The following ANGPT1 variants were observed in gnomAD, a reference collection of about 807,000 sequenced individuals.
ANGPT1 encodes angiopoietin-1.
A neutral mutation model predicts 62.2 loss-of-function variants in ANGPT1; 17 were observed. The observed-to-expected ratio is 0.27, with a 90% CI of 0.19 to 0.41. The LOEUF (loss-of-function observed/expected upper bound fraction) is 0.41, where lower values mean the gene tolerates loss of function less well. Among genes scored for constraint, ANGPT1 ranks in the 10% least tolerant of loss-of-function variants. ANGPT1 has a pLI of 1.00. For missense variants in ANGPT1, 478 were observed against 594.9 expected (o/e 0.80, Z 2.04); for synonymous variants, 199 against 198.9 (o/e 1.00, Z 0.00).
At chr8:107,481,532 C>CAAAAAGAAAAAAA (rs1812684977) in intron 1 of ANGPT1, among the ~76,000 whole-genome samples, 1 of 64,334 alleles carries the variant, frequency 1.6e-5, no homozygotes, top group Non-Finnish European at 2.8e-5. Flanking sequence ...GACTCTGTCT[C>CAAAAAGAAAAAAA]AAAAAAAAAA....
chr8:107,347,601 C>T (rs903938264), intron 1 of ANGPT1, among the ~76,000 whole-genome samples: 4 of 151,880 alleles, frequency 2.6e-5, no homozygotes, highest in East Asian at 1.9e-4. Flanking sequence ...ATTTTTGTAA[C>T]GATAAATAAA....
chr8:107,423,481 C>T (rs111657651), intron 1 of ANGPT1, among the ~76,000 whole-genome samples: 23 of 152,260 alleles, frequency 1.5e-4, no homozygotes, highest in Non-Finnish European at 2.6e-4. Context: ...ATTCCAGCTC[C>T]GCAGCGTCTT....
intron 3 of ANGPT1, among the ~76,000 whole-genome samples, chr8:107,331,865 C>T (rs563768768): frequency 1.2e-4 from 18 of 152,258 alleles, no homozygotes; most frequent in Non-Finnish European, 2.4e-4. Context: ...ATCAAGAAAG[C>T]CCGTGTGCTC....
chr8:107,359,738 T>A (rs894619815), intron 1 of ANGPT1, among the ~76,000 whole-genome samples: 9 of 152,288 alleles, frequency 5.9e-5, no homozygotes, highest in African/African-American at 2.2e-4. Context: ...TTATGGTAAG[T>A]ATATTCAGAC....
At chr8:107,414,650 A>T in intron 1 of ANGPT1, among the ~76,000 whole-genome samples, 1 of 152,196 alleles carries the variant, frequency 6.6e-6, no homozygotes, top group East Asian at 1.9e-4. Flanking sequence ...AACCTCATCC[A>T]AACCAGGCAA....
intron 7 of ANGPT1, among the ~76,000 whole-genome samples, chr8:107,281,005 C>T (rs1813991261): frequency 6.6e-6 from 1 of 152,138 alleles, no homozygotes; most frequent in South Asian, 2.1e-4. Flanking sequence ...ATATGCTATG[C>T]TTATCATGAC....
At chr8:107,290,810 TA>T (rs1408867594) in intron 6 of ANGPT1, among the ~76,000 whole-genome samples, 1 of 152,206 alleles carries the variant, frequency 6.6e-6, no homozygotes, top group Non-Finnish European at 1.5e-5. Context: ...ACATGATGAT[TA>T]AAGAATTTCA....
At chr8:107,456,024 G>A (rs1423607591) in intron 1 of ANGPT1, among the ~76,000 whole-genome samples, 2 of 151,934 alleles carry the variant, frequency 1.3e-5, no homozygotes, top group African/African-American at 2.4e-5. Context: ...TCGGAGATCT[G>A]GTATATGTAT....
chr8:107,393,671 G>T (rs556639153), intron 1 of ANGPT1, among the ~76,000 whole-genome samples: 2 of 152,026 alleles, frequency 1.3e-5, no homozygotes, highest in Non-Finnish European at 2.9e-5. Flanking sequence ...TTAGCCAGGC[G>T]TGGTGGCAGG....
chr8:107,466,995 C>G (rs1184347457), intron 1 of ANGPT1, among the ~76,000 whole-genome samples: 1 of 152,062 alleles, frequency 6.6e-6, no homozygotes. Context: ...ACTTCCTTCC[C>G]TCTTGCTTGG....
intron 1 of ANGPT1, among the ~76,000 whole-genome samples, chr8:107,455,690 G>A (rs758940725): frequency 6.6e-6 from 1 of 151,914 alleles, no homozygotes; most frequent in Non-Finnish European, 1.5e-5. Context: ...GAGTCATGTG[G>A]GTAATGCTTG....
chr8:107,355,813 C>T (rs1441058211), intron 1 of ANGPT1, among the ~76,000 whole-genome samples: 1 of 152,064 alleles, frequency 6.6e-6, no homozygotes, highest in African/African-American at 2.4e-5. Context: ...TTCATAATAG[C>T]CTTATTCACC....
chr8:107,290,428 A>C (rs1814245830), intron 6 of ANGPT1, among the ~76,000 whole-genome samples: 1 of 152,192 alleles, frequency 6.6e-6, no homozygotes, highest in African/African-American at 2.4e-5. Context: ...GTACACCCTT[A>C]GCTGAAGAAG....
At chr8:107,356,296 T>G (rs1341379156) in intron 1 of ANGPT1, among the ~76,000 whole-genome samples, 1 of 152,226 alleles carries the variant, frequency 6.6e-6, no homozygotes, top group Non-Finnish European at 1.5e-5. Flanking sequence ...AAACTAACCA[T>G]GTCTTAATCA....
At chr8:107,266,385 G>C (rs1462890966) in intron 7 of ANGPT1, among the ~76,000 whole-genome samples, 1 of 152,204 alleles carries the variant, frequency 6.6e-6, no homozygotes, top group Non-Finnish European at 1.5e-5. Context: ...TCCATTTGCA[G>C]TCCAAGTAGG....
intron 1 of ANGPT1, among the ~76,000 whole-genome samples, chr8:107,416,218 G>A (rs758986706): frequency 5.9e-5 from 9 of 152,082 alleles, no homozygotes; most frequent in Admixed American, 4.6e-4. Context: ...GACACCAATC[G>A]CAAGTTAGGG....
At chr8:107,284,938 A>C in intron 6 of ANGPT1, 90 bp from the exon 7 acceptor site, 1 of 1,050,472 alleles carries the variant, frequency 9.5e-7, no homozygotes, top group Non-Finnish European at 1.3e-6. Flanking sequence ...AATAATTAAA[A>C]ATTATTAAAA....
intron 1 of ANGPT1, among the ~76,000 whole-genome samples, chr8:107,381,461 G>A (rs1441137756): frequency 6.6e-6 from 1 of 152,292 alleles, no homozygotes; most frequent in Non-Finnish European, 1.5e-5. Context: ...TGGAGCCTGA[G>A]TAATTGGATA....
chr8:107,341,408 G>T (rs1040786983), intron 2 of ANGPT1, among the ~76,000 whole-genome samples: 6 of 151,926 alleles, frequency 3.9e-5, no homozygotes, highest in Admixed American at 2.6e-4. Flanking sequence ...GTAGAAGACT[G>T]CTCCAAATTT....
Sources: gnomAD v4.1 joint callset for allele counts (sites outside exome capture counted in the v4.1 genomes callset) on GRCh38, gnomAD v4.1.1 for gene constraint, MANE v1.5 for transcripts, NCBI Gene and HGNC (gene_info 2026-07-23, HGNC 2026-07-21) for gene names.